The following RBFOX1 variants were observed in gnomAD, a reference collection of about 807,000 sequenced individuals.
RBFOX1 encodes RNA binding protein fox-1 homolog 1.
In RBFOX1, 8 loss-of-function variants were observed where a neutral mutation model predicts 57.7. The observed-to-expected ratio is 0.14, with a 90% CI of 0.08 to 0.25. The LOEUF (loss-of-function observed/expected upper bound fraction) is 0.25. Ranked by LOEUF, RBFOX1 falls within the 10% of genes least tolerant of loss-of-function variation. The probability of loss-of-function intolerance (pLI) is 1.00; values close to 1 mark genes in which losing one functional copy is unlikely to be tolerated. For synonymous variants in RBFOX1, 326 were observed against 222.4 expected (o/e 1.47, Z -4.15); for missense variants, 611 against 548.5 (o/e 1.11, Z -1.14).
chr16:7,095,772 C>A (rs1403020985), intron 4 of RBFOX1, among the ~76,000 whole-genome samples: 1 of 152,090 alleles, frequency 6.6e-6, no homozygotes, highest in African/African-American at 2.4e-5. Context: ...CCTGTAATCC[C>A]AGCACTTCGG....
At chr16:6,187,458 C>T (rs1373901006) in intron 1 of RBFOX1, among the ~76,000 whole-genome samples, 1 of 152,160 alleles carries the variant, frequency 6.6e-6, no homozygotes, top group Non-Finnish European at 1.5e-5. Flanking sequence ...GGAAGTCAGA[C>T]AGCTCAGCAT....
intron 10 of RBFOX1, among the ~76,000 whole-genome samples, chr16:7,619,404 C>G (rs753092935): frequency 6.6e-6 from 1 of 152,088 alleles, no homozygotes; most frequent in African/African-American, 2.4e-5. Context: ...TATGTTGTGG[C>G]AGGCATAGAC....
chr16:6,426,409 G>A (rs1352323773), intron 2 of RBFOX1, among the ~76,000 whole-genome samples: 1 of 152,122 alleles, frequency 6.6e-6, no homozygotes, highest in Non-Finnish European at 1.5e-5. Context: ...GAATGCAGAG[G>A]ACAAGAGGAG....
chr16:5,857,045 C>T (rs1259528699), intron 3 of RBFOX1, among the ~76,000 whole-genome samples: 2 of 152,136 alleles, frequency 1.3e-5, no homozygotes, highest in Admixed American at 6.5e-5. Flanking sequence ...AAAGTTTAAT[C>T]ATTAGTTTTT....
intron 1 of RBFOX1, among the ~76,000 whole-genome samples, chr16:6,083,882 G>C (rs2096047911): frequency 6.6e-6 from 1 of 152,126 alleles, no homozygotes; most frequent in South Asian, 2.1e-4. Context: ...CAGAAGAATT[G>C]GCTGCCTGAA....
At chr16:7,710,306 C>G in intron 15 of RBFOX1, 5 of 1,165,818 alleles carry the variant, frequency 4.3e-6, no homozygotes, top group East Asian at 5.8e-5. Context: ...CAAATTCAAC[C>G]TCAAGTGCAG....
At chr16:5,340,857 T>A (rs1225124211) in intron 1 of RBFOX1, among the ~76,000 whole-genome samples, 1 of 152,074 alleles carries the variant, frequency 6.6e-6, no homozygotes, top group Non-Finnish European at 1.5e-5. Flanking sequence ...GTCCTACAGT[T>A]CCAGACAGTG....
intron 2 of RBFOX1, among the ~76,000 whole-genome samples, chr16:6,517,487 C>G (rs1232819310): frequency 6.6e-6 from 1 of 152,146 alleles, no homozygotes; most frequent in African/African-American, 2.4e-5. Context: ...TGTCTCCTGT[C>G]TCCCAGCTGG....
chr16:5,639,685 T>C (rs1226890072), intron 3 of RBFOX1, among the ~76,000 whole-genome samples: 4 of 152,184 alleles, frequency 2.6e-5, no homozygotes. Context: ...CCCATGCACA[T>C]GCCTACCAGG....
At chr16:7,586,682 T>C (rs907887604) in intron 6 of RBFOX1, among the ~76,000 whole-genome samples, 2 of 152,380 alleles carry the variant, frequency 1.3e-5, no homozygotes, top group South Asian at 2.1e-4. Flanking sequence ...GAGAATTATC[T>C]TGAGAGAATT....
intron 3 of RBFOX1, among the ~76,000 whole-genome samples, chr16:6,977,369 G>C (rs539901027): frequency 1.3e-5 from 2 of 151,968 alleles, no homozygotes; most frequent in African/African-American, 4.8e-5. Context: ...TTGTTCTCTA[G>C]ATACCGGGAT....
chr16:5,601,092 A>G (rs2047350308), downstream of RBFOX1: 1 of 152,204 alleles, frequency 6.6e-6, no homozygotes. Flanking sequence ...GCACGAAAGT[A>G]TTGTATTGGC....
chr16:6,891,452 T>TAC lies in RBFOX1; in HGVS notation c.-15-160594_-15-160593dup, dbSNP rs1006699306. Among the ~76,000 whole-genome samples, 23 of 151,342 alleles carry TAC rather than the reference T, an allele frequency of 1.5e-4. No homozygotes were observed. In the East Asian group the frequency reaches 1.8e-3, roughly 12 times the overall value. Reference sequence around the variant, plus strand: ...ATAGTACCTTGTTGATGAAGACACATACACACACACACTAGAGAGAGAGAG... The same window carrying TAC: ...ATAGTACCTTGTTGATGAAGACACATACACACACACACACTAGAGAGAGAGAG... On this transcript the variant is annotated intron_variant, in intron 3 of 15. Coordinates refer to ENST00000550418, the MANE Select transcript of RBFOX1 (RefSeq NM_018723.4).
rs532723766 is a variant in RBFOX1 at position 5,828,073 on chromosome 16, T to TCAGC, written c.319-39216_319-39213dup. ...TCTACCCACCCATCCATCCATCCTT[T>TCAGC]CAGCCAGCCAGCCAGCCTGCCTTCT... On this transcript the variant is annotated intron_variant, in intron 3 of 19. Transcript: ENST00000641259. 5.1e-4 allele frequency among the ~76,000 whole-genome samples: 77 copies of TCAGC among 151,726 alleles called. 1 individual carries two copies. The South Asian group carries it at 0.016, about 31-fold the overall frequency.
intron 4 of RBFOX1, among the ~76,000 whole-genome samples, chr16:7,428,396 G>A (rs1387634433): frequency 2.1e-5 from 3 of 140,782 alleles, no homozygotes; most frequent in South Asian, 2.3e-4. Flanking sequence ...GCATGATCTC[G>A]GTTCACTGCA....
chr16:6,918,878 G>A (rs2073849774), intron 3 of RBFOX1, among the ~76,000 whole-genome samples: 1 of 152,164 alleles, frequency 6.6e-6, no homozygotes, highest in Non-Finnish European at 1.5e-5. Flanking sequence ...TGATGTAACA[G>A]ATGGAGGAGA....
intron 3 of RBFOX1, among the ~76,000 whole-genome samples, chr16:6,847,543 C>A (rs116056734): frequency 6.6e-6 from 1 of 152,070 alleles, no homozygotes; most frequent in Admixed American, 6.5e-5. Context: ...ATGGCACAGT[C>A]AAGGTGTAGG....
chr16:5,619,686 A>G (rs879302972), intron 3 of RBFOX1, among the ~76,000 whole-genome samples: 3 of 152,172 alleles, frequency 2.0e-5, no homozygotes, highest in East Asian at 1.9e-4. Context: ...AGCTGTTGCC[A>G]GAAACTCTTG....
chr16:5,691,258 G>C (rs1596776890), intron 3 of RBFOX1, among the ~76,000 whole-genome samples: 1 of 152,198 alleles, frequency 6.6e-6, no homozygotes, highest in Non-Finnish European at 1.5e-5. Context: ...AATTCAGGAG[G>C]ATTGGGATAT....
Sources: gnomAD v4.1 joint callset for allele counts (sites outside exome capture counted in the v4.1 genomes callset) on GRCh38, gnomAD v4.1.1 for gene constraint, MANE v1.5 for transcripts, NCBI Gene and HGNC (gene_info 2026-07-23, HGNC 2026-07-21) for gene names.